The following RPL3 variants were observed in gnomAD, a reference collection of about 807,000 sequenced individuals.
RPL3 encodes the protein ribosomal protein L3, also known as large ribosomal subunit protein uL3.
A neutral mutation model predicts 46.0 loss-of-function variants in RPL3; 3 were observed. The observed-to-expected ratio is 0.07, with a 90% CI of 0.03 to 0.17. The LOEUF is 0.17. RPL3 is among the 10% of genes least tolerant of loss of function. RPL3 has a pLI of 1.00. For synonymous variants in RPL3, 224 were observed against 190.8 expected (o/e 1.17, Z -1.43); for missense variants, 387 against 532.7 (o/e 0.73, Z 2.69).
chr22:39,319,176 C>T, intron 1 of RPL3: 1 of 545,746 alleles, frequency 1.8e-6, no homozygotes. Flanking sequence ...AGGAGGACTC[C>T]ACAACACTCC....
chr22:39,319,466 C>A (rs1369197492), intron 1 of RPL3, 129 bp downstream of exon 1: 4 of 1,280,626 alleles, frequency 3.1e-6, no homozygotes, highest in Admixed American at 2.1e-5. Flanking sequence ...AGACTGAAGT[C>A]CCCGCTGGGT....
chr22:39,315,248 T>C (rs777775422), intron 5 of RPL3, 121 bp downstream of exon 5: 2 of 1,359,386 alleles, frequency 1.5e-6, no homozygotes, highest in East Asian at 2.3e-5. Flanking sequence ...AGAATGGTTC[T>C]ACACTGTCCG....
At position 39,319,591 on chromosome 22, in the gene RPL3, A is replaced by C. The variant is rs776137188; in HGVS notation, c.3+4T>G. 11 of 1,562,998 alleles carry C rather than the reference A, an allele frequency of 7.0e-6. No homozygotes were observed. The Admixed American group carries it at 2.1e-4, about 29-fold the overall frequency. ...AATGAAACGGCCGCCATTACAACACATACCATCACGCCATCAAATCCCGCC... is the reference window on the plus strand; with the variant it reads ...AATGAAACGGCCGCCATTACAACACCTACCATCACGCCATCAAATCCCGCC... On this transcript the variant is annotated splice_donor_region_variant and intron_variant, in intron 1 of 9. Transcript: ENST00000216146.
chr22:39,316,154 G>A (rs1008158692), intron 4 of RPL3, among the ~76,000 whole-genome samples: 2 of 151,896 alleles, frequency 1.3e-5, no homozygotes, highest in African/African-American at 2.4e-5. Flanking sequence ...CAGGAGAATA[G>A]CTTGAACCTA....
At chr22:39,313,866 C>T (rs374436100) in intron 7 of RPL3, 137 bp from the exon 8 acceptor site, 113 of 930,432 alleles carry the variant, frequency 1.2e-4, no homozygotes, top group Admixed American at 2.5e-4. Flanking sequence ...CAGTCTGTCT[C>T]GGGCGCTGTG....
intron 4 of RPL3, among the ~76,000 whole-genome samples, chr22:39,316,355 TG>T (rs1278256797): frequency 6.6e-6 from 1 of 152,004 alleles, no homozygotes; most frequent in Non-Finnish European, 1.5e-5. Context: ...CCTCACCACA[TG>T]GGGTTGCACT....
intron 2 of RPL3, chr22:39,318,021 G>T (rs1922811735): frequency 1.5e-5 from 5 of 342,398 alleles, no homozygotes; most frequent in South Asian, 1.0e-4. Context: ...TCTCTAAGTA[G>T]AACACACACA....
At chr22:39,314,935 G>A (rs1432632312) in intron 5 of RPL3, 89 bp from the exon 6 acceptor site, 4 of 1,527,228 alleles carry the variant, frequency 2.6e-6, no homozygotes, top group East Asian at 2.3e-5. Flanking sequence ...CCATGGCTGG[G>A]TCATCTGAGG....
At chr22:39,316,394 A>C (rs996716746) in intron 4 of RPL3, among the ~76,000 whole-genome samples, 3 of 152,252 alleles carry the variant, frequency 2.0e-5, no homozygotes, top group African/African-American at 7.2e-5. Context: ...CAGGATAACC[A>C]GTAACAGGAC....
At chr22:39,313,815 C>T in intron 7 of RPL3, 86 bp from the exon 8 acceptor site, 2 of 1,219,756 alleles carry the variant, frequency 1.6e-6, no homozygotes, top group Non-Finnish European at 2.4e-6. Flanking sequence ...TCCCTGACCA[C>T]AGGGCTGTTC....
chr22:39,313,974 C>G (rs755277738), intron 7 of RPL3, 133 bp downstream of exon 7: 1 of 871,154 alleles, frequency 1.1e-6, no homozygotes, highest in African/African-American at 1.6e-5. Flanking sequence ...GACAACATGC[C>G]ACTTACAAGG....
intron 5 of RPL3, 38 bp downstream of exon 5, chr22:39,315,331 C>A: frequency 1.2e-6 from 2 of 1,613,794 alleles, no homozygotes; most frequent in Non-Finnish European, 8.5e-7. Context: ...ACTTCTCCCC[C>A]AGGTTTGCAC....
At chr22:39,319,109 CTG>C in intron 1 of RPL3, 1 of 539,154 alleles carries the variant, frequency 1.9e-6, no homozygotes, top group Non-Finnish European at 3.8e-6. Flanking sequence ...AGTTCATCAT[CTG>C]TGGTTTCTGC....
chr22:39,313,667 C>T lies in RPL3; in HGVS notation c.1014G>A (p.Val338=), dbSNP rs1394179808. ...GGGTGAGCACCCGCTTCTTGGTTCC[C>T]ACCACACAGCCTTTCAGCATGACAA... is the stretch of plus-strand genomic sequence containing the variant. The part of the protein sequence containing the change: ...NDFVMLKGCV[V]GTKKRVLTLR... Residue 338 remains valine (V), a synonymous_variant, in exon 8 of 10, where the codon GTG becomes GTA. Transcript: ENST00000216146. 2.0e-5 allele frequency: 32 copies of T among 1,614,054 alleles called. No homozygotes were observed. Among genetic ancestry groups the T allele is most frequent in the Non-Finnish European group, 2.6e-5 (31 of 1,180,032 alleles).
In RPL3 at chr22:39,319,127, CCA is replaced by C. The variant is rs1367832312; in HGVS notation, c.3+466_3+467del. On this transcript the variant is annotated intron_variant, in intron 1 of 9. Coordinates refer to ENST00000216146, the MANE Select transcript of RPL3 (RefSeq NM_000967.4). ...TCATCATCTGTGGTTTCTGCGAGCT[CCA>C]GAGGCCTTCGGAGTGCACCAGCGGC... is the stretch of plus-strand genomic sequence containing the variant. 7.4e-6 allele frequency: 4 copies of C among 541,212 alleles called. No homozygotes were observed. In the African/African-American group the frequency reaches 7.7e-5, roughly 10 times the overall value. 33.5% of individuals were successfully genotyped at this position (541,212 alleles called of 1,614,324 possible).
At chr22:39,319,308 C>T in intron 1 of RPL3, 1 of 570,104 alleles carries the variant, frequency 1.8e-6, no homozygotes. Context: ...TTGGTGAGGT[C>T]GAAACTTAGA....
At chr22:39,313,938 G>A (rs755248466) in intron 7 of RPL3, 169 bp downstream of exon 7, 2 of 834,488 alleles carry the variant, frequency 2.4e-6, no homozygotes, top group Admixed American at 1.7e-5. Flanking sequence ...CTTCTCACCA[G>A]CCAACCCCGA....
chr22:39,312,992 G>A lies in RPL3; in HGVS notation c.1168-8C>T, dbSNP rs1191072873. On this transcript the variant is annotated splice_region_variant and splice_polypyrimidine_tract_variant and intron_variant, in intron 9 of 9. Transcript: ENST00000216146. ...GTCTTTCTTCAGTGGTCCCTGTGGG[G>A]AGAGAGGCAGTGGTCAGAGGTAGAA... 4 of 1,613,670 alleles carry A rather than the reference G, an allele frequency of 2.5e-6. No homozygotes were observed. Among genetic ancestry groups the A allele is most frequent in the African/African-American group, 1.3e-5 (1 of 74,722 alleles).
At chr22:39,319,343 C>T (rs992386502) in intron 1 of RPL3, 1 of 604,426 alleles carries the variant, frequency 1.7e-6, no homozygotes, top group Non-Finnish European at 3.0e-6. Flanking sequence ...TTAAAAACGC[C>T]GGGCCTCCAA....
Sources: allele counts gnomAD v4.1 joint callset (sites outside exome capture counted in the v4.1 genomes callset), GRCh38; gene constraint gnomAD v4.1.1; transcripts MANE v1.5; gene names NCBI Gene and HGNC (gene_info 2026-07-23, HGNC 2026-07-21).